ITGBL1: variants seen among roughly 807,000 people sequenced by gnomAD.
ITGBL1 encodes integrin subunit beta like 1.
In ITGBL1, 51 loss-of-function variants were observed where a neutral mutation model predicts 68.5. The ratio of observed to expected loss-of-function variants is 0.74; its 90% CI spans 0.59 to 0.94. ITGBL1 has a LOEUF of 0.94. Among genes scored for constraint, ITGBL1 ranks in the 40% least tolerant of loss-of-function variants. The pLI is 0.00. For synonymous variants in ITGBL1, 209 were observed against 227.3 expected, an observed-to-expected ratio of 0.92 and a Z score of 0.72; for missense variants, 649 against 647.4, an observed-to-expected ratio of 1.00 and a Z score of -0.03.
chr13:101,474,567 G>A (rs1317184441), intron 2 of ITGBL1, among the ~76,000 whole-genome samples: 1 of 152,148 alleles, frequency 6.6e-6, no homozygotes, highest in Non-Finnish European at 1.5e-5. Flanking sequence ...CCTGGGCCTT[G>A]AACAAAATTG....
At chr13:101,537,846 CA>C (rs1416143151) in intron 2 of ITGBL1, among the ~76,000 whole-genome samples, 2 of 151,924 alleles carry the variant, frequency 1.3e-5, no homozygotes, top group African/African-American at 4.8e-5. Context: ...GAGTTTTAGT[CA>C]TTATGATTGA....
chr13:101,595,971 A>G (rs1417223634), intron 6 of ITGBL1, among the ~76,000 whole-genome samples: 1 of 152,194 alleles, frequency 6.6e-6, no homozygotes, highest in African/African-American at 2.4e-5. Context: ...GGTAAAGAAA[A>G]TGTGAGATAT....
chr13:101,634,781 G>A (rs1226715000), intron 7 of ITGBL1, among the ~76,000 whole-genome samples: 1 of 152,008 alleles, frequency 6.6e-6, no homozygotes, highest in African/African-American at 2.4e-5. Flanking sequence ...GAAGTGCAAT[G>A]AAGAAAATGA....
chr13:101,476,668 AC>A (rs1486437949), intron 2 of ITGBL1, among the ~76,000 whole-genome samples: 1 of 152,146 alleles, frequency 6.6e-6, no homozygotes, highest in African/African-American at 2.4e-5. Flanking sequence ...CATATTCCAT[AC>A]AAACAGAAAC....
chr13:101,602,737 G>T (rs189210307), intron 7 of ITGBL1, among the ~76,000 whole-genome samples: 31 of 151,896 alleles, frequency 2.0e-4, no homozygotes, highest in African/African-American at 7.2e-4. Context: ...CCATTCTCTT[G>T]TCCCAGAACC....
chr13:101,644,176 A>G (rs930480808), intron 7 of ITGBL1, among the ~76,000 whole-genome samples: 4 of 152,196 alleles, frequency 2.6e-5, no homozygotes, highest in African/African-American at 9.6e-5. Context: ...CTTGTCGAGT[A>G]CAGTCTAATG....
At chr13:101,673,702 T>G (rs2033431840) in intron 7 of ITGBL1, among the ~76,000 whole-genome samples, 1 of 152,198 alleles carries the variant, frequency 6.6e-6, no homozygotes. Context: ...AACTTTGTAC[T>G]TATTGCTTGT....
intron 2 of ITGBL1, among the ~76,000 whole-genome samples, chr13:101,483,577 A>G (rs2048657684): frequency 1.3e-5 from 2 of 152,194 alleles, no homozygotes; most frequent in Admixed American, 6.5e-5. Flanking sequence ...CCAATGTCCT[A>G]TTACCTAGAG....
chr13:101,478,834 T>C (rs2048574351), intron 2 of ITGBL1, among the ~76,000 whole-genome samples: 1 of 152,022 alleles, frequency 6.6e-6, no homozygotes, highest in Non-Finnish European at 1.5e-5. Flanking sequence ...TGGAAAGAGA[T>C]TTCATGTTCA....
At chr13:101,687,151 T>A (rs889369168) in intron 7 of ITGBL1, among the ~76,000 whole-genome samples, 1 of 152,048 alleles carries the variant, frequency 6.6e-6, no homozygotes, top group African/African-American at 2.4e-5. Flanking sequence ...TGCAGTAAAA[T>A]GAGGTAAATG....
At chr13:101,512,103 C>T (rs1325699901) in intron 2 of ITGBL1, among the ~76,000 whole-genome samples, 1 of 152,124 alleles carries the variant, frequency 6.6e-6, no homozygotes, top group Non-Finnish European at 1.5e-5. Flanking sequence ...TGTAATTCGA[C>T]TACTCGTCCT....
intron 7 of ITGBL1, among the ~76,000 whole-genome samples, chr13:101,633,373 C>T (rs751990075): frequency 3.3e-5 from 5 of 152,114 alleles, no homozygotes; most frequent in East Asian, 3.9e-4. Context: ...ATTGACCTGG[C>T]GTTGACAATT....
chr13:101,527,162 C>T (rs2049394840), intron 2 of ITGBL1, among the ~76,000 whole-genome samples: 1 of 152,064 alleles, frequency 6.6e-6, no homozygotes, highest in Admixed American at 6.6e-5. Flanking sequence ...TGCATATTGC[C>T]CATACATGCA....
intron 7 of ITGBL1, among the ~76,000 whole-genome samples, chr13:101,638,463 C>G (rs1030814348): frequency 6.6e-6 from 1 of 151,962 alleles, no homozygotes; most frequent in Non-Finnish European, 1.5e-5. Context: ...TGTATTAGCC[C>G]GTTTTCATGC....
intron 2 of ITGBL1, among the ~76,000 whole-genome samples, chr13:101,523,879 C>T (rs940947831): frequency 6.6e-6 from 1 of 152,156 alleles, no homozygotes; most frequent in African/African-American, 2.4e-5. Context: ...TTTCATGCTG[C>T]CATGAGCAAC....
At position 101,605,511 on chromosome 13, in the gene ITGBL1, T is replaced by TATATAC. The variant is rs1336506127; in HGVS notation, c.1015+7213_1015+7214insTATACA. Among the ~76,000 whole-genome samples, 8 of 150,732 alleles carry TATATAC rather than the reference T, an allele frequency of 5.3e-5. 1 individual carries two copies. Among genetic ancestry groups the TATATAC allele is most frequent in the Admixed American group, 1.3e-4 (2 of 15,066 alleles). On this transcript the variant is annotated intron_variant, in intron 7 of 10. Transcript: ENST00000376180. Reference sequence around the variant, plus strand: ...ACATATATAGACATGTATATGCGTATACACATATAGACATATGTATATGCG... The same window carrying TATATAC: ...ACATATATAGACATGTATATGCGTATATATACACACATATAGACATATGTATATGCG...
chr13:101,566,340 T>C (rs2050183098), intron 2 of ITGBL1, among the ~76,000 whole-genome samples: 1 of 152,104 alleles, frequency 6.6e-6, no homozygotes, highest in Non-Finnish European at 1.5e-5. Flanking sequence ...ACAGGTGAGA[T>C]CACTTATGCT....
chr13:101,661,629 G>C (rs1450984689), intron 7 of ITGBL1, among the ~76,000 whole-genome samples: 2 of 152,128 alleles, frequency 1.3e-5, no homozygotes, highest in Non-Finnish European at 2.9e-5. Flanking sequence ...TGCATTGCTG[G>C]AAGCTAAAGC....
chr13:101,547,757 G>C (rs1276342511), intron 2 of ITGBL1, among the ~76,000 whole-genome samples: 1 of 151,696 alleles, frequency 6.6e-6, no homozygotes, highest in Non-Finnish European at 1.5e-5. Flanking sequence ...TGATAGATCT[G>C]CATTTACCCG....
Sources: gnomAD v4.1 joint callset for allele counts (sites outside exome capture counted in the v4.1 genomes callset) on GRCh38, gnomAD v4.1.1 for gene constraint, MANE v1.5 for transcripts, NCBI Gene and HGNC (gene_info 2026-07-23, HGNC 2026-07-21) for gene names.